Variants in MMP26 observed in about 807,000 individuals in gnomAD.
MMP26 encodes the protein matrix metallopeptidase 26.
A neutral mutation model predicts 31.0 loss-of-function variants in MMP26; 33 were observed. That is an observed-to-expected ratio of 1.06 (90% CI 0.81 to 1.42). MMP26 has a LOEUF of 1.42. Among genes scored for constraint, MMP26 ranks in the 40% most tolerant of loss-of-function variants. The pLI, the probability that MMP26 is intolerant of heterozygous loss-of-function variation, is 0.00. For missense variants in MMP26, 347 were observed against 316.1 expected (o/e 1.10, Z -0.74); for synonymous variants, 122 against 114.9 (o/e 1.06, Z -0.40).
At chr11:4,731,096 C>T (rs1445494540) in intron 1 of MMP26, among the ~76,000 whole-genome samples, 1 of 152,112 alleles carries the variant, frequency 6.6e-6, no homozygotes, top group Non-Finnish European at 1.5e-5. Context: ...AGGCGTGCAC[C>T]ACCACTCCAG....
At chr11:4,853,462 C>G (rs1205663361) in intron 2 of MMP26, among the ~76,000 whole-genome samples, 1 of 150,748 alleles carries the variant, frequency 6.6e-6, no homozygotes, top group Admixed American at 6.6e-5. Flanking sequence ...AATTGAAAAC[C>G]CTTAGCAAGC....
chr11:4,873,971 A>G (rs1274635899), intron 2 of MMP26, among the ~76,000 whole-genome samples: 1 of 152,096 alleles, frequency 6.6e-6, no homozygotes, highest in Non-Finnish European at 1.5e-5. Context: ...AGAGAGACAG[A>G]GATATAGGTA....
intron 2 of MMP26, among the ~76,000 whole-genome samples, chr11:4,961,167 C>A (rs1169731409): frequency 6.6e-6 from 1 of 152,172 alleles, no homozygotes; most frequent in Non-Finnish European, 1.5e-5. Flanking sequence ...GATATTTCTT[C>A]ATTTACCAAG....
chr11:4,867,387 C>CT (rs3065176), intron 2 of MMP26, among the ~76,000 whole-genome samples: 12,142 of 98,174 alleles, frequency 0.12, 1,117 homozygotes, highest in Middle Eastern at 0.2. Flanking sequence ...AGATGCTGTC[C>CT]TTTTTTTTTT....
chr11:4,846,713 T>G (rs550194636), intron 2 of MMP26, among the ~76,000 whole-genome samples: 11 of 152,252 alleles, frequency 7.2e-5, no homozygotes, highest in Non-Finnish European at 1.6e-4. Context: ...AAAAAATATA[T>G]ATTTATTAAA....
intron 2 of MMP26, among the ~76,000 whole-genome samples, chr11:4,839,599 C>T (rs1267481127): frequency 3.3e-5 from 5 of 151,798 alleles, no homozygotes; most frequent in African/African-American, 9.7e-5. Context: ...CAGAAGGGAA[C>T]CTGCTGCCTT....
chr11:4,837,200 C>T (rs1015843638), intron 2 of MMP26, among the ~76,000 whole-genome samples: 1 of 151,990 alleles, frequency 6.6e-6, no homozygotes, highest in Non-Finnish European at 1.5e-5. Flanking sequence ...ATTATGTTTG[C>T]ACCAACCTAA....
intron 2 of MMP26, among the ~76,000 whole-genome samples, chr11:4,822,729 A>G (rs887045714): frequency 2.6e-5 from 4 of 152,206 alleles, no homozygotes; most frequent in African/African-American, 9.6e-5. Context: ...AATGACACAC[A>G]GAAAACACTT....
intron 2 of MMP26, among the ~76,000 whole-genome samples, chr11:4,798,192 G>A (rs1849133352): frequency 6.6e-6 from 1 of 152,224 alleles, no homozygotes; most frequent in South Asian, 2.1e-4. Flanking sequence ...TTCATCAGGG[G>A]TGGGGATGGG....
At chr11:4,710,513 G>A in intron 1 of MMP26, 1 of 416,676 alleles carries the variant, frequency 2.4e-6, no homozygotes, top group Non-Finnish European at 4.9e-6. Context: ...AGCTAATTTA[G>A]GGAAGTTTGA....
chr11:4,831,987 G>A (rs1378800782), intron 2 of MMP26: 3 of 152,126 alleles, frequency 2.0e-5, no homozygotes, highest in Admixed American at 6.6e-5. Context: ...TATATGTTAT[G>A]CTATTTCTTG....
chr11:4,926,897 A>G (rs894480232), intron 2 of MMP26, among the ~76,000 whole-genome samples: 2 of 152,222 alleles, frequency 1.3e-5, no homozygotes, highest in African/African-American at 4.8e-5. Context: ...TAAATGTATG[A>G]GTGAATGGAT....
intron 2 of MMP26, chr11:4,804,195 C>T (rs780898131): frequency 7.4e-6 from 12 of 1,614,136 alleles, no homozygotes; most frequent in Non-Finnish European, 1.0e-5. Flanking sequence ...GAAAGAGGTA[C>T]ATGGGCTCAT....
chr11:4,723,166 C>T (rs1313193183), intron 1 of MMP26: 30 of 1,598,018 alleles, frequency 1.9e-5, no homozygotes, highest in African/African-American at 2.7e-5. Flanking sequence ...GCTCCCCACG[C>T]TGCTCGGCAT....
intron 2 of MMP26, among the ~76,000 whole-genome samples, chr11:4,879,623 G>T (rs943558977): frequency 7.9e-5 from 12 of 152,072 alleles, no homozygotes; most frequent in Admixed American, 6.6e-4. Flanking sequence ...GAAATAATAG[G>T]TAATAATACT....
chr11:4,742,574 T>G (rs1001631945), intron 1 of MMP26, among the ~76,000 whole-genome samples: 1 of 152,196 alleles, frequency 6.6e-6, no homozygotes, highest in African/African-American at 2.4e-5. Context: ...ATTGGTGGAC[T>G]GAGTAAAGCA....
intron 1 of MMP26, among the ~76,000 whole-genome samples, chr11:4,705,334 G>A (rs926712994): frequency 2.6e-5 from 4 of 152,322 alleles, no homozygotes; most frequent in Middle Eastern, 6.8e-3. Context: ...TAAGAACAGA[G>A]CTCAATTCCT....
chr11:4,950,690 T>C (rs1181780381), intron 2 of MMP26, among the ~76,000 whole-genome samples: 1 of 121,976 alleles, frequency 8.2e-6, no homozygotes, highest in Middle Eastern at 3.9e-3. Flanking sequence ...AAAAAAAATA[T>C]TATTATTATA....
intron 2 of MMP26, among the ~76,000 whole-genome samples, chr11:4,864,721 C>T (rs1850211228): frequency 6.6e-6 from 1 of 151,948 alleles, no homozygotes; most frequent in Non-Finnish European, 1.5e-5. Flanking sequence ...TTGATGCAAC[C>T]CCCCTGAGTG....
Sources: gnomAD v4.1 joint callset for allele counts (sites outside exome capture counted in the v4.1 genomes callset) on GRCh38, gnomAD v4.1.1 for gene constraint, MANE v1.5 for transcripts, NCBI Gene and HGNC (gene_info 2026-07-23, HGNC 2026-07-21) for gene names.